ADARB2: variants seen among roughly 807,000 people sequenced by gnomAD.
The protein encoded by ADARB2 is inactive double-stranded RNA-specific editase B2.
ADARB2 carries 25 observed loss-of-function variants against 62.2 expected under a neutral mutation model. The ratio of observed to expected loss-of-function variants is 0.40; its 90% confidence interval spans 0.29 to 0.56. The LOEUF (loss-of-function observed/expected upper bound fraction) is 0.56, where lower values mean the gene tolerates loss of function less well. Ranked by LOEUF, ADARB2 falls within the 20% of genes least tolerant of loss-of-function variation. ADARB2 has a pLI of 0.43. For synonymous variants in ADARB2, 572 were observed against 500.8 expected (o/e 1.14, Z -1.90); for missense variants, 1,071 against 1,077.4 (o/e 0.99, Z 0.08).
At chr10:1,613,104 ATCTG>A (rs1349250432) in intron 1 of ADARB2, among the ~76,000 whole-genome samples, 2 of 152,224 alleles carry the variant, frequency 1.3e-5, no homozygotes, top group Non-Finnish European at 2.9e-5. Flanking sequence ...GCTCCCCGGC[ATCTG>A]TCTGACAGAG....
chr10:1,254,281 G>C (rs1044706602), intron 4 of ADARB2, among the ~76,000 whole-genome samples: 2 of 152,178 alleles, frequency 1.3e-5, no homozygotes, highest in Admixed American at 6.5e-5. Flanking sequence ...GTAGTTTCTG[G>C]AGGGCCTCCT....
chr10:1,293,957 A>AT (rs1200470838), intron 3 of ADARB2, among the ~76,000 whole-genome samples: 1 of 151,674 alleles, frequency 6.6e-6, no homozygotes, highest in African/African-American at 2.4e-5. Context: ...AAAAGACAGC[A>AT]TCTGTGGCTT....
At chr10:1,186,188 C>G (rs190574333) in intron 8 of ADARB2, among the ~76,000 whole-genome samples, 1 of 152,354 alleles carries the variant, frequency 6.6e-6, no homozygotes, top group African/African-American at 2.4e-5. Flanking sequence ...GGAATACAGG[C>G]TATGGGACGC....
At chr10:1,682,838 C>T (rs374672719) in intron 1 of ADARB2, among the ~76,000 whole-genome samples, 11 of 152,296 alleles carry the variant, frequency 7.2e-5, no homozygotes, top group African/African-American at 2.6e-4. Context: ...CGGCCAGGGG[C>T]AGATGGGTTC....
chr10:1,316,940 G>A (rs192714148), intron 3 of ADARB2, among the ~76,000 whole-genome samples: 22 of 152,354 alleles, frequency 1.4e-4, no homozygotes, highest in Non-Finnish European at 1.5e-5. Flanking sequence ...ATGCTTGTAT[G>A]CAAAACGCAG....
chr10:1,514,081 C>G (rs939845743), intron 1 of ADARB2, among the ~76,000 whole-genome samples: 2 of 149,086 alleles, frequency 1.3e-5, no homozygotes, highest in African/African-American at 4.9e-5. Flanking sequence ...AAAAAATTAG[C>G]CAGGCAAATC....
rs998098353 is a variant in ADARB2 at position 1,398,669 on chromosome 10, TAA to T, written c.101-19511_101-19510del. ...CTAAGGAACAATTGATCAATATAAA[TAA>T]AGTTTTAACGGTGGAATTTCAGGTA... On this transcript the variant is annotated intron_variant, in intron 1 of 9. Coordinates refer to ENST00000381312, the MANE Select transcript of ADARB2 (RefSeq NM_018702.4). This position sits in a 1 kb window ranked among gnomAD's most constrained non-coding sequence, Gnocchi z 4.1. 5.3e-5 allele frequency among the ~76,000 whole-genome samples: 8 copies of T among 152,210 alleles called. No homozygotes were observed. The highest frequency in any genetic ancestry group is 1.9e-4 in the African/African-American group (8 of 41,448).
chr10:1,341,599 G>A (rs909481963), intron 3 of ADARB2, among the ~76,000 whole-genome samples: 11 of 149,122 alleles, frequency 7.4e-5, no homozygotes, highest in Middle Eastern at 3.5e-3. Flanking sequence ...AGAACCACGC[G>A]CCCCACAGCG....
At chr10:1,674,690 C>T (rs189487870) in intron 1 of ADARB2, among the ~76,000 whole-genome samples, 43 of 152,170 alleles carry the variant, frequency 2.8e-4, no homozygotes, top group South Asian at 1.7e-3. Flanking sequence ...TGACCGGTCC[C>T]GGAGGTCACC....
At chr10:1,226,999 G>A (rs1238052844) in intron 6 of ADARB2, among the ~76,000 whole-genome samples, 1 of 152,258 alleles carries the variant, frequency 6.6e-6, no homozygotes, top group Admixed American at 6.5e-5. Context: ...TGCCCCCAGA[G>A]GTGGAGCCTA....
At chr10:1,278,994 A>G (rs955881531) in intron 3 of ADARB2, among the ~76,000 whole-genome samples, 1 of 152,198 alleles carries the variant, frequency 6.6e-6, no homozygotes, top group Non-Finnish European at 1.5e-5. Context: ...TCTAAAAAGT[A>G]AAATTTCAGA....
chr10:1,183,684 C>T (rs935764779), intron 9 of ADARB2, among the ~76,000 whole-genome samples: 1 of 152,216 alleles, frequency 6.6e-6, no homozygotes, highest in African/African-American at 2.4e-5. Context: ...AAAACAGCAT[C>T]ACAGTGGGCA....
chr10:1,355,189 T>C lies in ADARB2; in HGVS notation c.1077+7839A>G, dbSNP rs112083517. On this transcript the variant is annotated intron_variant, in intron 3 of 9. Coordinates refer to ENST00000381312, the MANE Select transcript of ADARB2 (RefSeq NM_018702.4). ...TCAGCCCACCGTGGTTTCTCCCTGT[T>C]TGGAACTAATAACAAACACTCTTGT... Among the ~76,000 whole-genome samples the C allele has an allele frequency of 6.3e-3, 761 of 121,506 alleles. 7 individuals are homozygous for C. The highest frequency in any genetic ancestry group is 0.021 in the African/African-American group (710 of 34,208). 79.7% of individuals were successfully genotyped at this position (121,506 alleles called of 152,430 possible). A position where few individuals can be genotyped will look rare whatever the true frequency, so the allele number is the denominator to read the frequency against.
intron 1 of ADARB2, among the ~76,000 whole-genome samples, chr10:1,474,925 G>A (rs975929255): frequency 3.9e-5 from 6 of 152,170 alleles, no homozygotes; most frequent in Admixed American, 6.5e-5. Flanking sequence ...CCGAGCCCGG[G>A]GCCTCAGTGA....
rs145482246 is a variant in ADARB2, at chr10:1,223,965, T to C, written c.1514-6846A>G. Among the ~76,000 whole-genome samples the C allele has an allele frequency of 4.3e-3, 661 of 152,350 alleles. 6 individuals are homozygous for C. Among genetic ancestry groups the C allele is most frequent in the African/African-American group, 0.015 (644 of 41,576 alleles). ...AATGCGTTAGGGAGGATTCCCTCTT[T>C]TTCTATTGATTGGAATAGTTTCAGA... On this transcript the variant is annotated intron_variant, in intron 6 of 9. Transcript: ENST00000381312.
At chr10:1,576,142 G>A (rs1469152501) in intron 1 of ADARB2, among the ~76,000 whole-genome samples, 1 of 130,978 alleles carries the variant, frequency 7.6e-6, no homozygotes, top group Non-Finnish European at 1.7e-5. Context: ...GTCACAAGAG[G>A]GGGGTCCACG....
At chr10:1,185,980 T>C (rs899915361) in intron 8 of ADARB2, among the ~76,000 whole-genome samples, 2 of 152,284 alleles carry the variant, frequency 1.3e-5, no homozygotes, top group Admixed American at 6.5e-5. Flanking sequence ...CCTGTGCTGA[T>C]TGGGGCTTCT....
chr10:1,557,303 A>G (rs1195100904), intron 1 of ADARB2, among the ~76,000 whole-genome samples: 1 of 151,896 alleles, frequency 6.6e-6, no homozygotes, highest in African/African-American at 2.4e-5. Context: ...TGTCAAGTGC[A>G]CCTGGACCTG....
chr10:1,260,565 C>G (rs376347287), intron 4 of ADARB2, among the ~76,000 whole-genome samples: 170 of 151,680 alleles, frequency 1.1e-3, no homozygotes, highest in African/African-American at 3.4e-3. Flanking sequence ...GCTTCAAAGA[C>G]AATAAAATAC....
Sources: gnomAD v4.1 joint callset for allele counts (sites outside exome capture counted in the v4.1 genomes callset) on GRCh38, gnomAD v4.1.1 for gene constraint, Gnocchi (gnomAD v3.1) non-coding constraint, MANE v1.5 for transcripts, NCBI Gene and HGNC (gene_info 2026-07-23, HGNC 2026-07-21) for gene names.